The following WSCD2 variants were observed in gnomAD, a reference collection of about 807,000 sequenced individuals.
The protein encoded by WSCD2 is WSC domain sialate O sulfotransferase 2, also known as sialate:O-sulfotransferase 2.
A neutral mutation model predicts 55.7 loss-of-function variants in WSCD2; 28 were observed. That is an observed-to-expected ratio of 0.50 (90% CI 0.37 to 0.69). WSCD2 has a LOEUF of 0.69. Among genes scored for constraint, WSCD2 ranks in the 30% least tolerant of loss-of-function variants. The probability of loss-of-function intolerance (pLI) is 0.00; values close to 1 mark genes in which losing one functional copy is unlikely to be tolerated. For synonymous variants in WSCD2, 301 were observed against 301.9 expected (o/e 1.00, Z 0.03); for missense variants, 616 against 762.1 (o/e 0.81, Z 2.26).
chr12:108,237,396 T>C (rs1889353884), intron 7 of WSCD2, among the ~76,000 whole-genome samples: 1 of 152,224 alleles, frequency 6.6e-6, no homozygotes, highest in Admixed American at 6.5e-5. Flanking sequence ...AGCTGATATT[T>C]TGGTGACTCT....
chr12:108,147,284 G>T (rs1877486953), intron 1 of WSCD2, among the ~76,000 whole-genome samples: 1 of 152,188 alleles, frequency 6.6e-6, no homozygotes, highest in Non-Finnish European at 1.5e-5. Flanking sequence ...AGCCACTCAA[G>T]AGAAGCAGGG....
At chr12:108,145,326 T>C (rs1157806964) in intron 1 of WSCD2, among the ~76,000 whole-genome samples, 1 of 152,220 alleles carries the variant, frequency 6.6e-6, no homozygotes, top group South Asian at 2.1e-4. Context: ...CTCCACAGCA[T>C]TCCTTAAGGC....
intron 8 of WSCD2, among the ~76,000 whole-genome samples, chr12:108,244,920 A>G (rs924881789): frequency 6.6e-6 from 1 of 152,134 alleles, no homozygotes; most frequent in Non-Finnish European, 1.5e-5. Context: ...ATAAGTAAAT[A>G]TATAAAATCA....
chr12:108,198,358 C>A (rs1278091630), intron 2 of WSCD2, among the ~76,000 whole-genome samples: 2 of 152,216 alleles, frequency 1.3e-5, no homozygotes, highest in Non-Finnish European at 2.9e-5. Context: ...TAGCTCTACT[C>A]TTCCTCCAAG....
chr12:108,193,615 GGATA>G (rs1489002895), intron 1 of WSCD2, among the ~76,000 whole-genome samples: 17 of 151,246 alleles, frequency 1.1e-4, no homozygotes, highest in African/African-American at 3.4e-4. Flanking sequence ...ATGGATGGAT[GGATA>G]GATGGATGGA....
chr12:108,136,020 C>G (rs1876172440), intron 1 of WSCD2, among the ~76,000 whole-genome samples: 1 of 152,208 alleles, frequency 6.6e-6, no homozygotes. Context: ...GGGTCCTGAG[C>G]TTTGGACTAG....
At chr12:108,205,392 AAAT>A (rs1207171752) in intron 2 of WSCD2, among the ~76,000 whole-genome samples, 1 of 152,128 alleles carries the variant, frequency 6.6e-6, no homozygotes, top group South Asian at 2.1e-4. Context: ...GTGAATGTCC[AAAT>A]AATAATAATA....
At chr12:108,193,968 A>G (rs1013067069) in intron 1 of WSCD2, among the ~76,000 whole-genome samples, 2 of 152,162 alleles carry the variant, frequency 1.3e-5, no homozygotes, top group Non-Finnish European at 2.9e-5. Flanking sequence ...AGTATGTTAC[A>G]ATTTGTATCT....
chr12:108,216,948 T>A (rs1235625899), intron 4 of WSCD2, among the ~76,000 whole-genome samples: 1 of 152,236 alleles, frequency 6.6e-6, no homozygotes, highest in African/African-American at 2.4e-5. Context: ...ATTAATGGAC[T>A]ACTGACAGCA....
chr12:108,187,764 T>C (rs1882688617), intron 1 of WSCD2, among the ~76,000 whole-genome samples: 1 of 152,178 alleles, frequency 6.6e-6, no homozygotes, highest in African/African-American at 2.4e-5. Context: ...ATTGGCTCTA[T>C]TTTGCAGGTG....
chr12:108,181,631 CAG>C (rs1881773443), intron 1 of WSCD2, among the ~76,000 whole-genome samples: 1 of 152,168 alleles, frequency 6.6e-6, no homozygotes, highest in Admixed American at 6.5e-5. Context: ...TTTTTAGAGA[CAG>C]GGTCTCACTC....
chr12:108,138,532 A>T (rs1375125063), intron 1 of WSCD2, among the ~76,000 whole-genome samples: 1 of 152,220 alleles, frequency 6.6e-6, no homozygotes, highest in Non-Finnish European at 1.5e-5. Flanking sequence ...GGGTTCTTAC[A>T]GGGATTCAAT....
intron 3 of WSCD2, among the ~76,000 whole-genome samples, chr12:108,209,500 C>T (rs1395690815): frequency 3.3e-5 from 5 of 151,960 alleles, no homozygotes; most frequent in Non-Finnish European, 5.9e-5. Context: ...GACAGGTGTA[C>T]CATGAGCAGG....
At chr12:108,225,011 A>G in intron 5 of WSCD2, 151 bp downstream of exon 5, 1 of 1,188,598 alleles carries the variant, frequency 8.4e-7, no homozygotes, top group Non-Finnish European at 1.2e-6. Flanking sequence ...GGATGTGACC[A>G]TTTCACGTGG....
chr12:108,247,957 C>G (rs1890201356), intron 8 of WSCD2, 34 bp from the exon 9 acceptor site: 1 of 1,591,874 alleles, frequency 6.3e-7, no homozygotes, highest in Non-Finnish European at 8.6e-7. Context: ...AACTCCTCCT[C>G]CCTCTGACTG....
chr12:108,248,939 G>A lies in WSCD2; in HGVS notation c.*596G>A. The A allele has an allele frequency of 3.0e-6, 3 of 984,908 alleles. No homozygotes were observed. Among genetic ancestry groups the A allele is most frequent in the Non-Finnish European group, 3.6e-6 (3 of 828,818 alleles). The allele number at this position is 984,908 out of a possible 1,614,324, so 61.0% of individuals were successfully genotyped here. On this transcript the variant is annotated 3_prime_UTR_variant, in exon 9 of 9. Transcript: ENST00000547525. The surrounding 1 kb of genome is among the most constrained non-coding windows in gnomAD (Gnocchi z 4.3). ...GTGTGGGGAGGTAATGGTGCTCACA[G>A]TAGGTTAATTGGAGACACCATGTGG...
intron 2 of WSCD2, among the ~76,000 whole-genome samples, chr12:108,205,420 CAT>C (rs1885240766): frequency 6.6e-6 from 1 of 152,148 alleles, no homozygotes; most frequent in Non-Finnish European, 1.5e-5. Context: ...TCTTAAAAAA[CAT>C]ATGGGAAAAG....
chr12:108,200,275 T>C (rs1315776036), intron 2 of WSCD2, among the ~76,000 whole-genome samples: 1 of 152,172 alleles, frequency 6.6e-6, no homozygotes, highest in Non-Finnish European at 1.5e-5. Flanking sequence ...TTCAGCTTCA[T>C]ATCAGGTAAA....
At chr12:108,169,546 C>T (rs1880013467) in intron 1 of WSCD2, among the ~76,000 whole-genome samples, 1 of 152,168 alleles carries the variant, frequency 6.6e-6, no homozygotes, top group African/African-American at 2.4e-5. Context: ...TGAGTGGTGC[C>T]AAAGTCACTC....
Sources: gnomAD v4.1 joint callset for allele counts (sites outside exome capture counted in the v4.1 genomes callset) on GRCh38, gnomAD v4.1.1 for gene constraint, Gnocchi (gnomAD v3.1) non-coding constraint, MANE v1.5 for transcripts, NCBI Gene and HGNC (gene_info 2026-07-23, HGNC 2026-07-21) for gene names.